The following CNTNAP2 variants were observed in gnomAD, a reference collection of about 807,000 sequenced individuals.
CNTNAP2 encodes the protein contactin-associated protein-like 2.
A neutral mutation model predicts 155.2 loss-of-function variants in CNTNAP2; 98 were observed. That is an observed-to-expected ratio of 0.63 (90% CI 0.54 to 0.75). CNTNAP2 has a LOEUF of 0.75. CNTNAP2 is among the 30% of genes least tolerant of loss of function. CNTNAP2 has a pLI of 0.00. For missense variants in CNTNAP2, 1,727 were observed against 1,688.1 expected, an observed-to-expected ratio of 1.02 and a Z score of -0.40; for synonymous variants, 651 against 631.2, an observed-to-expected ratio of 1.03 and a Z score of -0.47.
intron 13 of CNTNAP2, among the ~76,000 whole-genome samples, chr7:147,795,465 T>A (rs1198227571): frequency 1.3e-5 from 2 of 152,160 alleles, no homozygotes; most frequent in African/African-American, 4.8e-5. Flanking sequence ...TTTCTCCTGT[T>A]TGTCTTTTCA....
chr7:146,819,780 T>C (rs1359339250), intron 2 of CNTNAP2, among the ~76,000 whole-genome samples: 1 of 152,112 alleles, frequency 6.6e-6, no homozygotes, highest in African/African-American at 2.4e-5. Flanking sequence ...TCACTTCAAG[T>C]TTCTCAACTC....
At chr7:146,712,510 G>A (rs1801114936) in intron 1 of CNTNAP2, among the ~76,000 whole-genome samples, 1 of 149,010 alleles carries the variant, frequency 6.7e-6, no homozygotes. Context: ...TTTCCCTAAA[G>A]CAGTGAAAAC....
chr7:146,974,718 A>T (rs1797873685), intron 3 of CNTNAP2, among the ~76,000 whole-genome samples: 1 of 152,118 alleles, frequency 6.6e-6, no homozygotes, highest in Non-Finnish European at 1.5e-5. Flanking sequence ...CAAGAATAGG[A>T]CTGGGCACAG....
intron 15 of CNTNAP2, among the ~76,000 whole-genome samples, chr7:148,037,337 T>C (rs1234195326): frequency 6.6e-6 from 1 of 152,214 alleles, no homozygotes; most frequent in African/African-American, 2.4e-5. Context: ...TCTGACTTAA[T>C]ATAATGGAAG....
At chr7:146,733,515 TAACTC>T (rs1422746800) in intron 1 of CNTNAP2, among the ~76,000 whole-genome samples, 1 of 152,156 alleles carries the variant, frequency 6.6e-6, no homozygotes, top group Non-Finnish European at 1.5e-5. Flanking sequence ...GATTTTGAAA[TAACTC>T]AGACTATTTT....
intron 3 of CNTNAP2, among the ~76,000 whole-genome samples, chr7:146,930,693 C>G (rs1352753762): frequency 6.6e-6 from 1 of 152,138 alleles, no homozygotes; most frequent in East Asian, 1.9e-4. Flanking sequence ...GGAAACCCAT[C>G]TCACATGCAG....
At chr7:147,871,285 G>A (rs1268628448) in intron 13 of CNTNAP2, among the ~76,000 whole-genome samples, 1 of 152,184 alleles carries the variant, frequency 6.6e-6, no homozygotes, top group Non-Finnish European at 1.5e-5. Flanking sequence ...CTAGTCTAAA[G>A]TCTTGCAAAA....
chr7:146,411,417 A>T (rs1243794240), intron 1 of CNTNAP2, among the ~76,000 whole-genome samples: 1 of 152,116 alleles, frequency 6.6e-6, no homozygotes, highest in South Asian at 2.1e-4. Flanking sequence ...CGGCCTCCCA[A>T]AGAGCTGGGA....
intron 13 of CNTNAP2, among the ~76,000 whole-genome samples, chr7:147,728,654 G>A (rs529239335): frequency 2.0e-5 from 3 of 152,048 alleles, no homozygotes; most frequent in African/African-American, 7.2e-5. Context: ...GAACTCAGTG[G>A]GCAATGTATG....
chr7:146,648,539 C>T (rs1054018115), intron 1 of CNTNAP2, among the ~76,000 whole-genome samples: 2 of 151,994 alleles, frequency 1.3e-5, no homozygotes, highest in Non-Finnish European at 2.9e-5. Flanking sequence ...ATTTTCTTAT[C>T]TTATAAATGT....
Position 147,042,651 on chromosome 7 carries a change from T to A in CNTNAP2, c.403-1256T>A, listed in dbSNP as rs191337663. Among the ~76,000 whole-genome samples the A allele has an allele frequency of 8.8e-4, 134 of 152,300 alleles. 1 individual carries two copies. Among genetic ancestry groups the A allele is most frequent in the Middle Eastern group, 6.8e-3 (2 of 294 alleles). ...TTTTAAAAGACAAAACTCCTGGTTT[T>A]AGATAGAAGCAAATTCAGTCCTTAG... On this transcript the variant is annotated intron_variant, in intron 3 of 23. Transcript: ENST00000361727.
Position 147,360,886 on chromosome 7 carries a change from G to T in CNTNAP2, c.1499-34723G>T, listed in dbSNP as rs549877006. ...AAAGGTATGTAGGTGGTCGCAGAAG[G>T]GGTCAGAGAAGGTAAGTGGTTTCCT... On this transcript the variant is annotated intron_variant, in intron 9 of 23. Transcript: ENST00000361727. Among the ~76,000 whole-genome samples the T allele has an allele frequency of 2.6e-5, 4 of 152,232 alleles. No individual in the cohort carries two copies. The South Asian group carries it at 6.2e-4, about 24-fold the overall frequency.
At chr7:148,162,833 A>C (rs1805575440) in intron 17 of CNTNAP2, among the ~76,000 whole-genome samples, 1 of 147,936 alleles carries the variant, frequency 6.8e-6, no homozygotes, top group Non-Finnish European at 1.5e-5. Context: ...TTGTCTCTAC[A>C]AAAAAAAATT....
chr7:148,366,971 G>A (rs896728088), intron 21 of CNTNAP2, among the ~76,000 whole-genome samples: 2 of 152,198 alleles, frequency 1.3e-5, no homozygotes, highest in African/African-American at 2.4e-5. Flanking sequence ...GGTGGCTCAC[G>A]CCTGTAGTCC....
At chr7:148,057,424 G>T (rs949021248) in intron 15 of CNTNAP2, among the ~76,000 whole-genome samples, 2 of 152,188 alleles carry the variant, frequency 1.3e-5, no homozygotes, top group Admixed American at 1.3e-4. Flanking sequence ...CTAACATGAG[G>T]TCTCACTAAA....
chr7:146,302,587 C>T (rs376585236), intron 1 of CNTNAP2, among the ~76,000 whole-genome samples: 24 of 152,170 alleles, frequency 1.6e-4, no homozygotes, highest in South Asian at 8.3e-4. Context: ...CACAATATTG[C>T]GTATCTAAAA....
At chr7:147,081,887 C>T (rs1007239351) in intron 4 of CNTNAP2, 2 of 152,182 alleles carry the variant, frequency 1.3e-5, no homozygotes, top group African/African-American at 4.8e-5. Context: ...CCAGCTTGTG[C>T]TTCTAGAAGG....
At chr7:146,145,032 C>G (rs576993574) in intron 1 of CNTNAP2, among the ~76,000 whole-genome samples, 1 of 152,090 alleles carries the variant, frequency 6.6e-6, no homozygotes, top group African/African-American at 2.4e-5. Context: ...TTTGTCCAAA[C>G]GTTGGAATTT....
intron 15 of CNTNAP2, among the ~76,000 whole-genome samples, chr7:148,052,143 CAA>C (rs750104789): frequency 2.6e-4 from 25 of 96,926 alleles, no homozygotes; most frequent in Middle Eastern, 8.3e-3. Flanking sequence ...ACTCCGTCTC[CAA>C]AAAAAAAAAA....
Sources: gnomAD v4.1 joint callset for allele counts (sites outside exome capture counted in the v4.1 genomes callset) on GRCh38, gnomAD v4.1.1 for gene constraint, MANE v1.5 for transcripts, NCBI Gene and HGNC (gene_info 2026-07-23, HGNC 2026-07-21) for gene names.